Variants in ADGRL2 observed in about 807,000 individuals in gnomAD.
ADGRL2 encodes calcium-independent alpha-latrotoxin receptor 2.
A neutral mutation model predicts 157.4 loss-of-function variants in ADGRL2; 44 were observed. That is an observed-to-expected ratio of 0.28 (90% CI 0.22 to 0.36). ADGRL2 has a LOEUF of 0.36. Among genes scored for constraint, ADGRL2 ranks in the 10% least tolerant of loss-of-function variants. The probability of loss-of-function intolerance (pLI) is 1.00; values close to 1 mark genes in which losing one functional copy is unlikely to be tolerated. For synonymous variants in ADGRL2, 585 were observed against 624.7 expected, an observed-to-expected ratio of 0.94 and a Z score of 0.95; for missense variants, 1,510 against 1,768.9, an observed-to-expected ratio of 0.85 and a Z score of 2.63.
intron 1 of ADGRL2, among the ~76,000 whole-genome samples, chr1:81,328,024 A>G (rs1056016784): frequency 6.6e-6 from 1 of 152,116 alleles, no homozygotes; most frequent in Non-Finnish European, 1.5e-5. Context: ...CTTTGAAACA[A>G]CCTCAGGGAA....
chr1:81,776,871 T>C (rs1252267921), intron 2 of ADGRL2, among the ~76,000 whole-genome samples: 1 of 152,188 alleles, frequency 6.6e-6, no homozygotes, highest in African/African-American at 2.4e-5. Flanking sequence ...TTCTTATCTA[T>C]AACATTAAAA....
intron 2 of ADGRL2, among the ~76,000 whole-genome samples, chr1:81,492,919 G>A (rs146718111): frequency 5.2e-4 from 79 of 152,296 alleles, no homozygotes; most frequent in Middle Eastern, 3.4e-3. Flanking sequence ...AGAAGAGTAT[G>A]TGAGTGGTAT....
At chr1:81,534,057 T>A (rs560637527) in intron 2 of ADGRL2, among the ~76,000 whole-genome samples, 1 of 152,372 alleles carries the variant, frequency 6.6e-6, no homozygotes, top group Admixed American at 6.5e-5. Context: ...CTGGTTGTGC[T>A]GTTTATTAAA....
chr1:81,915,846 A>C (rs751984828), intron 3 of ADGRL2, among the ~76,000 whole-genome samples: 10 of 152,322 alleles, frequency 6.6e-5, no homozygotes, highest in Non-Finnish European at 1.5e-4. Context: ...CAATATGATC[A>C]TAATGATCTT....
At chr1:81,634,727 T>C (rs529935046) in intron 3 of ADGRL2, among the ~76,000 whole-genome samples, 1 of 151,958 alleles carries the variant, frequency 6.6e-6, no homozygotes, top group Non-Finnish European at 1.5e-5. Flanking sequence ...TTCACCATGT[T>C]GGCAGGCTGG....
At chr1:81,846,251 T>G (rs935254259) in intron 2 of ADGRL2, among the ~76,000 whole-genome samples, 3 of 151,538 alleles carry the variant, frequency 2.0e-5, no homozygotes, top group Non-Finnish European at 4.4e-5. Flanking sequence ...TCTACATAGA[T>G]TGAATTGTGA....
rs188474475 is a variant in ADGRL2, at chr1:81,911,820, A to G, written c.287+4590A>G. Among the ~76,000 whole-genome samples the G allele has an allele frequency of 4.0e-5, 6 of 151,852 alleles. No individual in the cohort carries two copies. In the East Asian group the frequency reaches 9.7e-4, roughly 25 times the overall value. The stretch of plus-strand genomic sequence containing the variant: ...GGAAGACGGTGAAAATATGTGCTTC[A>G]GTTAGTCCCTATTGTAGTAAGGTGT... On this transcript the variant is annotated intron_variant, in intron 3 of 23. Transcript: ENST00000686636.
chr1:81,676,711 G>A (rs1054263740), intron 3 of ADGRL2, among the ~76,000 whole-genome samples: 6 of 151,708 alleles, frequency 4.0e-5, no homozygotes, highest in Admixed American at 1.3e-4. Flanking sequence ...TTTTTGAGAC[G>A]AGTCTTGCTC....
intron 2 of ADGRL2, among the ~76,000 whole-genome samples, chr1:81,857,691 T>C (rs1412619446): frequency 6.6e-6 from 1 of 152,208 alleles, no homozygotes; most frequent in African/African-American, 2.4e-5. Context: ...AGAGATGCAA[T>C]TGAAAGATTA....
At chr1:81,532,038 C>T (rs761197012) in intron 2 of ADGRL2, among the ~76,000 whole-genome samples, 1 of 152,118 alleles carries the variant, frequency 6.6e-6, no homozygotes, top group African/African-American at 2.4e-5. Context: ...AAACTAAATT[C>T]GAATTTTAGT....
intron 1 of ADGRL2, among the ~76,000 whole-genome samples, chr1:81,339,774 C>A (rs1404157226): frequency 6.6e-6 from 1 of 152,152 alleles, no homozygotes; most frequent in Non-Finnish European, 1.5e-5. Flanking sequence ...CTTCTCCATA[C>A]CTTTGTACAT....
chr1:81,729,287 A>G (rs2084643215), intron 1 of ADGRL2, among the ~76,000 whole-genome samples: 1 of 152,022 alleles, frequency 6.6e-6, no homozygotes. Context: ...CCTGTCAGAG[A>G]TCTTTGATTC....
chr1:81,473,803 A>C (rs1443032057), intron 2 of ADGRL2, among the ~76,000 whole-genome samples: 2 of 152,098 alleles, frequency 1.3e-5, no homozygotes, highest in African/African-American at 4.8e-5. Flanking sequence ...TCCCACTTCA[A>C]GATAAACTTC....
intron 1 of ADGRL2, among the ~76,000 whole-genome samples, chr1:81,356,519 T>C (rs1020295992): frequency 1.3e-5 from 2 of 152,032 alleles, no homozygotes; most frequent in Non-Finnish European, 2.9e-5. Flanking sequence ...AGTGAGAAGG[T>C]CTCATCCTCT....
rs748160288 is a variant in ADGRL2 at position 81,991,105 on chromosome 1, A to G, written c.4370A>G (p.Asp1457Gly). The change falls in exon 24 of 24, where the codon GAT becomes GGT. Residue 1457 changes from aspartate (D) to glycine (G), a missense_variant. Coordinates refer to ENST00000686636, the MANE Select transcript of ADGRL2 (RefSeq NM_001366006.2). ...AAAGAAGGGTGTATTCCAGAAGGAG[A>G]TGTTAGAGAAGGACAAATGCAGCTG... ...INKEGCIPEG[D>G]VREGQMQLVT... is the part of the protein sequence containing the mutation. 9 of 1,610,244 alleles carry G rather than the reference A, an allele frequency of 5.6e-6. No individual in the cohort carries two copies. The African/African-American group carries it at 1.2e-4, about 22-fold the overall frequency.
Position 81,903,715 on chromosome 1 carries a change from TTA to T in ADGRL2, c.74-3289_74-3288del, listed in dbSNP as rs201399955. Among the ~76,000 whole-genome samples, 741 of 145,152 alleles carry T rather than the reference TTA, an allele frequency of 5.1e-3. 22 individuals carry two copies. The South Asian group carries it at 0.054, about 11-fold the overall frequency. ...TTTTTAAAGAATATATATATATTCA[TTA>T]TATATATATATACATTATATATACA... On this transcript the variant is annotated intron_variant, in intron 2 of 23. Coordinates refer to ENST00000686636, the MANE Select transcript of ADGRL2 (RefSeq NM_001366006.2).
At chr1:81,618,730 A>C (rs1411839417) in intron 3 of ADGRL2, among the ~76,000 whole-genome samples, 1 of 152,226 alleles carries the variant, frequency 6.6e-6, no homozygotes, top group Non-Finnish European at 1.5e-5. Flanking sequence ...CTATCTGCAG[A>C]AGTTCACAGT....
At chr1:81,474,320 T>C (rs2078230003) in intron 2 of ADGRL2, among the ~76,000 whole-genome samples, 2 of 152,336 alleles carry the variant, frequency 1.3e-5, no homozygotes, top group South Asian at 4.1e-4. Flanking sequence ...GATTGTTGTA[T>C]ATCTTTTGTG....
At chr1:81,698,640 G>C (rs1165798336), upstream of ADGRL2, among the ~76,000 whole-genome samples, 1 of 152,048 alleles carries the variant, frequency 6.6e-6, no homozygotes, top group African/African-American at 2.4e-5. Context: ...AGGAATCAAG[G>C]GGTCTGAGAA....
Sources: allele counts gnomAD v4.1 joint callset (sites outside exome capture counted in the v4.1 genomes callset), GRCh38; gene constraint gnomAD v4.1.1; transcripts MANE v1.5; gene names NCBI Gene and HGNC (gene_info 2026-07-23, HGNC 2026-07-21).